LZTFL1: variants seen among roughly 807,000 people sequenced by gnomAD.
LZTFL1 encodes the protein leucine zipper transcription factor-like protein 1.
Under a neutral mutation model 45.9 loss-of-function variants are expected in LZTFL1, and 25 were observed. The ratio of observed to expected loss-of-function variants is 0.54; its 90% CI spans 0.40 to 0.76. LZTFL1 has a LOEUF of 0.76. Ranked by LOEUF, LZTFL1 falls within the 30% of genes least tolerant of loss-of-function variation. The pLI is 0.00. For synonymous variants in LZTFL1, 93 were observed against 117.4 expected, an observed-to-expected ratio of 0.79 and a Z score of 1.35; for missense variants, 277 against 331.1, an observed-to-expected ratio of 0.84 and a Z score of 1.27.
At chr3:45,826,869 G>A (rs967664171) in intron 9 of LZTFL1, among the ~76,000 whole-genome samples, 1 of 152,110 alleles carries the variant, frequency 6.6e-6, no homozygotes, top group African/African-American at 2.4e-5. Context: ...CCCTTAACTG[G>A]GTATCATGTG....
intron 2 of LZTFL1, chr3:45,913,045 A>C: frequency 2.2e-6 from 3 of 1,367,202 alleles, no homozygotes; most frequent in East Asian, 2.5e-5. Context: ...AGAATGGTTT[A>C]GAGAAAACCA....
intron 4 of LZTFL1, among the ~76,000 whole-genome samples, chr3:45,849,596 T>G (rs1300047243): frequency 6.6e-6 from 1 of 152,210 alleles, no homozygotes; most frequent in African/African-American, 2.4e-5. Context: ...AATTGGAGAA[T>G]GTCTTTCTAG....
At chr3:45,851,313 GC>G (rs1342473613) in intron 4 of LZTFL1, among the ~76,000 whole-genome samples, 1 of 148,602 alleles carries the variant, frequency 6.7e-6, no homozygotes, top group Non-Finnish European at 1.5e-5. Context: ...TGCAACCTCC[GC>G]CTCCTGGGTT....
intron 2 of LZTFL1, among the ~76,000 whole-genome samples, chr3:45,860,474 T>G (rs958643467): frequency 1.4e-4 from 22 of 152,272 alleles, no homozygotes; most frequent in African/African-American, 2.6e-4. Context: ...CTTTTTTTTT[T>G]TTGTTTTTTG....
chr3:45,879,134 T>A (rs976831259), intron 2 of LZTFL1, among the ~76,000 whole-genome samples: 1 of 152,228 alleles, frequency 6.6e-6, no homozygotes, highest in Non-Finnish European at 1.5e-5. Context: ...TCTCACCGTA[T>A]GATCTAGCAA....
chr3:45,828,541 T>G lies in LZTFL1; in HGVS notation c.675A>C (p.Thr225=). The change falls in exon 8 of 10, where the codon ACA becomes ACC. Residue 225 remains threonine, a synonymous_variant. Coordinates refer to ENST00000296135, the MANE Select transcript of LZTFL1 (RefSeq NM_020347.4). The stretch of plus-strand genomic sequence containing the variant: ...TCTGGTTTTCTGTCTTGTCATTAAG[T>G]GTCTTCTGAAACTCACTCTTTAAGG... ...VAALKSEFQK[T]LNDKTENQKS... 1 of 1,614,220 alleles carries G rather than the reference T, an allele frequency of 6.2e-7. No individual in the cohort carries two copies. The highest frequency in any genetic ancestry group is 8.5e-7 in the Non-Finnish European group (1 of 1,180,014).
chr3:45,915,711 A>G (rs1702886285), upstream of LZTFL1: 2 of 318,694 alleles, frequency 6.3e-6, no homozygotes, highest in Non-Finnish European at 1.3e-5. Flanking sequence ...CAGTGCCAGC[A>G]TGGTGGGAGG....
At chr3:45,905,683 A>G (rs917933299) in intron 2 of LZTFL1, among the ~76,000 whole-genome samples, 1 of 152,226 alleles carries the variant, frequency 6.6e-6, no homozygotes, top group African/African-American at 2.4e-5. Flanking sequence ...TGTGAGACAG[A>G]GAATAGCGTC....
At chr3:45,899,949 A>T (rs1344049650) in intron 2 of LZTFL1, among the ~76,000 whole-genome samples, 2 of 152,132 alleles carry the variant, frequency 1.3e-5, no homozygotes, top group Non-Finnish European at 2.9e-5. Context: ...ATGTGTGTAT[A>T]TATGTGTGCA....
chr3:45,837,038 A>G (rs1204895000), intron 2 of LZTFL1, among the ~76,000 whole-genome samples: 2 of 152,188 alleles, frequency 1.3e-5, no homozygotes, highest in Non-Finnish European at 2.9e-5. Flanking sequence ...CCCTACTTCC[A>G]AAAAGACATC....
upstream of LZTFL1, chr3:45,842,198 T>C: frequency 7.0e-7 from 1 of 1,436,986 alleles, no homozygotes; most frequent in Non-Finnish European, 9.1e-7. Context: ...ACAGGAAGTA[T>C]TGCGTAACCG....
intron 2 of LZTFL1, among the ~76,000 whole-genome samples, chr3:45,907,367 T>C (rs1347110836): frequency 1.3e-5 from 2 of 152,212 alleles, no homozygotes; most frequent in African/African-American, 4.8e-5. Flanking sequence ...GGACGAACAC[T>C]GTGCCTGCTC....
At chr3:45,911,117 T>C (rs1269552223) in intron 2 of LZTFL1, among the ~76,000 whole-genome samples, 1 of 152,170 alleles carries the variant, frequency 6.6e-6, no homozygotes, top group African/African-American at 2.4e-5. Context: ...TTTTCTGACA[T>C]GGCACCGGAA....
chr3:45,887,859 G>A (rs1364262849), intron 2 of LZTFL1, among the ~76,000 whole-genome samples: 3 of 152,188 alleles, frequency 2.0e-5, no homozygotes, highest in East Asian at 1.9e-4. Flanking sequence ...ACCCTGCCTC[G>A]TGTAGGGAAC....
intron 2 of LZTFL1, among the ~76,000 whole-genome samples, chr3:45,890,438 A>G (rs183680634): frequency 6.9e-6 from 1 of 145,500 alleles, no homozygotes; most frequent in East Asian, 2.0e-4. Context: ...AATAAAATAA[A>G]ATTTGCTGAG....
At chr3:45,826,998 A>G (rs1163697715) in intron 9 of LZTFL1, 1 of 199,606 alleles carries the variant, frequency 5.0e-6, no homozygotes, top group Non-Finnish European at 1.0e-5. Context: ...GGGGAACAGT[A>G]AGACCAGTTC....
chr3:45,843,219 A>G (rs1431948766), upstream of LZTFL1, among the ~76,000 whole-genome samples: 2 of 152,194 alleles, frequency 1.3e-5, no homozygotes, highest in South Asian at 2.1e-4. Flanking sequence ...AACCCCTTCC[A>G]AGCTCAGTTA....
chr3:45,879,089 G>T (rs1401329158), intron 2 of LZTFL1, among the ~76,000 whole-genome samples: 1 of 152,200 alleles, frequency 6.6e-6, no homozygotes, highest in Non-Finnish European at 1.5e-5. Context: ...CACTTTGGAA[G>T]ACAGTTTGGC....
In LZTFL1 at chr3:45,901,162, T is replaced by C. The variant is rs201241644; in HGVS notation, c.-215+11958A>G. 8 of 1,614,242 alleles carry C rather than the reference T, an allele frequency of 5.0e-6. No individual in the cohort carries two copies. The highest frequency in any genetic ancestry group is 2.2e-5 in the East Asian group (1 of 44,894). ...TTCATGTGCAAGGTGGTCAACAGCA[T>C]GTACAAGATGAACTTCTACAGCTGT... On this transcript the variant is annotated intron_variant, in intron 2 of 4. Coordinates refer to the LZTFL1 transcript ENST00000472635. This position sits in a 1 kb window ranked among gnomAD's most constrained non-coding sequence, Gnocchi z 4.3.
Sources: allele counts gnomAD v4.1 joint callset (sites outside exome capture counted in the v4.1 genomes callset), GRCh38; gene constraint gnomAD v4.1.1; non-coding constraint Gnocchi (gnomAD v3.1); transcripts MANE v1.5; gene names NCBI Gene and HGNC (gene_info 2026-07-23, HGNC 2026-07-21).